The following RFX3 variants were observed in gnomAD, a reference collection of about 807,000 sequenced individuals.
The protein encoded by RFX3 is regulatory factor X3.
Under a neutral mutation model 98.6 loss-of-function variants are expected in RFX3, and 14 were observed. The observed-to-expected ratio is 0.14, with a 90% CI of 0.09 to 0.22. The LOEUF (loss-of-function observed/expected upper bound fraction) is 0.22. RFX3 is among the 10% of genes least tolerant of loss of function. RFX3 has a pLI of 1.00. For missense variants in RFX3, 639 were observed against 926.9 expected (o/e 0.69, Z 4.03); for synonymous variants, 383 against 328.4 (o/e 1.17, Z -1.80).
intron 1 of RFX3, among the ~76,000 whole-genome samples, chr9:3,416,952 T>G (rs183816439): frequency 6.6e-6 from 1 of 151,768 alleles, no homozygotes; most frequent in Non-Finnish European, 1.5e-5. Flanking sequence ...TCAAACCTTA[T>G]AAAAAACAAA....
chr9:3,515,144 G>C (rs1018186814), intron 1 of RFX3, among the ~76,000 whole-genome samples: 4 of 152,108 alleles, frequency 2.6e-5, no homozygotes, highest in African/African-American at 9.7e-5. Flanking sequence ...AACATAAAGA[G>C]GTAGATTTAA....
intron 2 of RFX3, among the ~76,000 whole-genome samples, chr9:3,348,951 C>G (rs1464552262): frequency 6.6e-6 from 1 of 151,994 alleles, no homozygotes; most frequent in East Asian, 1.9e-4. Context: ...TCAAAAAAGC[C>G]CTGGCTCTTC....
intron 1 of RFX3, among the ~76,000 whole-genome samples, chr9:3,499,396 A>AT (rs1220738104): frequency 1.3e-5 from 2 of 152,124 alleles, no homozygotes; most frequent in South Asian, 2.1e-4. Context: ...ATAAAAACAG[A>AT]TTTTTTTCAT....
At chr9:3,474,240 T>G (rs988241327) in intron 1 of RFX3, among the ~76,000 whole-genome samples, 1 of 152,226 alleles carries the variant, frequency 6.6e-6, no homozygotes, top group African/African-American at 2.4e-5. Flanking sequence ...AAAAAGGCCC[T>G]TGGTCCTAGT....
intron 1 of RFX3, among the ~76,000 whole-genome samples, chr9:3,397,456 C>G (rs1841010887): frequency 6.6e-6 from 1 of 152,186 alleles, no homozygotes; most frequent in Admixed American, 6.5e-5. Context: ...CTCTTGGCAT[C>G]TGTTGTCACA....
chr9:3,350,029 A>C (rs984971628), intron 2 of RFX3, among the ~76,000 whole-genome samples: 1 of 152,150 alleles, frequency 6.6e-6, no homozygotes, highest in African/African-American at 2.4e-5. Flanking sequence ...TATTAAAAAA[A>C]TGTGTAGAAA....
chr9:3,464,286 C>T (rs899103984), intron 1 of RFX3, among the ~76,000 whole-genome samples: 1 of 152,096 alleles, frequency 6.6e-6, no homozygotes, highest in Non-Finnish European at 1.5e-5. Context: ...ACACATTTAT[C>T]CGAGTAAAAT....
chr9:3,411,026 T>A (rs982061813), intron 1 of RFX3, among the ~76,000 whole-genome samples: 7 of 152,186 alleles, frequency 4.6e-5, no homozygotes, highest in African/African-American at 1.7e-4. Flanking sequence ...GAAATGATAT[T>A]CTTGTTGTAC....
intron 4 of RFX3, among the ~76,000 whole-genome samples, chr9:3,325,320 T>C (rs1831788378): frequency 6.6e-6 from 1 of 152,126 alleles, no homozygotes; most frequent in African/African-American, 2.4e-5. Context: ...CTTAACTTTC[T>C]ATTAATTATA....
intron 1 of RFX3, among the ~76,000 whole-genome samples, chr9:3,440,846 T>C (rs1845548211): frequency 1.3e-5 from 2 of 152,146 alleles, no homozygotes; most frequent in Non-Finnish European, 2.9e-5. Flanking sequence ...ACTGTAAGTG[T>C]GCAATAACTA....
At chr9:3,327,254 A>G (rs1832026775) in intron 4 of RFX3, among the ~76,000 whole-genome samples, 3 of 152,096 alleles carry the variant, frequency 2.0e-5, no homozygotes, top group Non-Finnish European at 4.4e-5. Flanking sequence ...TATGGTTAGC[A>G]TTTCTCACAT....
chr9:3,305,871 C>T (rs3012695), intron 4 of RFX3, among the ~76,000 whole-genome samples: 18,986 of 151,948 alleles, frequency 0.12, 1,241 homozygotes, highest in Middle Eastern at 0.2. Flanking sequence ...AATATTTGTT[C>T]AACCTTCTGA....
chr9:3,417,097 T>C (rs907690347), intron 1 of RFX3, among the ~76,000 whole-genome samples: 3 of 151,834 alleles, frequency 2.0e-5, no homozygotes, highest in African/African-American at 7.2e-5. Context: ...TTACCAGGAA[T>C]AAGAGGAGTC....
chr9:3,359,210 G>C (rs1441059432), intron 2 of RFX3, among the ~76,000 whole-genome samples: 1 of 151,910 alleles, frequency 6.6e-6, no homozygotes, highest in Non-Finnish European at 1.5e-5. Flanking sequence ...GATTAAAAAA[G>C]GGCAGACAAT....
At chr9:3,447,012 ATTACTTATTCGTT>A in intron 1 of RFX3, among the ~76,000 whole-genome samples, 1 of 152,154 alleles carries the variant, frequency 6.6e-6, no homozygotes, top group Admixed American at 6.5e-5. Flanking sequence ...ACAACAAAGC[ATTACTTATTCGTT>A]GAGGAAAATG....
chr9:3,270,866 T>A, intron 10 of RFX3, 137 bp downstream of exon 10: 1 of 1,269,376 alleles, frequency 7.9e-7, no homozygotes, highest in Non-Finnish European at 1.1e-6. Flanking sequence ...ATGGTTTATT[T>A]CTAGGATGGC....
intron 1 of RFX3, among the ~76,000 whole-genome samples, chr9:3,507,949 G>A (rs1425638696): frequency 6.6e-6 from 1 of 151,166 alleles, no homozygotes; most frequent in Non-Finnish European, 1.5e-5. Flanking sequence ...AAATGGACAT[G>A]AGACTATAAG....
At chr9:3,326,000 C>T (rs1363965457) in intron 4 of RFX3, among the ~76,000 whole-genome samples, 1 of 152,034 alleles carries the variant, frequency 6.6e-6, no homozygotes, top group East Asian at 1.9e-4. Context: ...TAACAATAAA[C>T]AGATCCCTAA....
intron 1 of RFX3, among the ~76,000 whole-genome samples, chr9:3,458,868 A>G (rs980662733): frequency 5.3e-5 from 8 of 152,234 alleles, no homozygotes; most frequent in African/African-American, 7.2e-5. Flanking sequence ...ACAAGAGCTG[A>G]CAGGGAATAA....
Sources: allele counts gnomAD v4.1 joint callset (sites outside exome capture counted in the v4.1 genomes callset), GRCh38; gene constraint gnomAD v4.1.1; transcripts MANE v1.5; gene names NCBI Gene and HGNC (gene_info 2026-07-23, HGNC 2026-07-21).